The following ZNF675 variants were observed in gnomAD, a reference collection of about 807,000 sequenced individuals.
The protein encoded by ZNF675 is TRAF6 inhibitory zinc finger.
ZNF675 carries 36 observed loss-of-function variants against 56.1 expected under a neutral mutation model. That is an observed-to-expected ratio of 0.64 (90% CI 0.49 to 0.85). The LOEUF is 0.85. Ranked by LOEUF, ZNF675 falls within the 40% of genes least tolerant of loss-of-function variation. ZNF675 has a pLI of 0.00. For synonymous variants in ZNF675, 200 were observed against 218.9 expected (o/e 0.91, Z 0.76); for missense variants, 663 against 654.2 (o/e 1.01, Z -0.15).
intron 3 of ZNF675, chr19:23,661,881 T>C: frequency 2.5e-6 from 1 of 406,776 alleles, no homozygotes; most frequent in Non-Finnish European, 4.5e-6. Context: ...GGACACTGGT[T>C]CTCACCGAAA....
chr19:23,674,088 A>AG (rs1314532416), intron 1 of ZNF675, among the ~76,000 whole-genome samples: 1 of 151,504 alleles, frequency 6.6e-6, no homozygotes, highest in African/African-American at 2.4e-5. Context: ...CTGTAATTCC[A>AG]CCTACTCAGG....
At chr19:23,663,230 TGA>T (rs749541196) in intron 1 of ZNF675, 72 bp from the exon 2 acceptor site, 11 of 1,542,952 alleles carry the variant, frequency 7.1e-6, no homozygotes, top group Non-Finnish European at 9.6e-6. Context: ...CAAGGTAAAA[TGA>T]GAGACTAAAG....
At chr19:23,655,179 G>A (rs1350035460) in intron 3 of ZNF675, 1 of 151,722 alleles carries the variant, frequency 6.6e-6, no homozygotes, top group Non-Finnish European at 1.5e-5. Context: ...TAAGGTTGCA[G>A]TGGGCCAAGA....
intron 3 of ZNF675, chr19:23,655,027 A>T: frequency 5.6e-6 from 1 of 178,554 alleles, no homozygotes; most frequent in Non-Finnish European, 1.2e-5. Flanking sequence ...CGAGGTCAGG[A>T]GTTCAAGACC....
chr19:23,684,919 A>G (rs960923769), intron 1 of ZNF675, among the ~76,000 whole-genome samples: 1 of 152,188 alleles, frequency 6.6e-6, no homozygotes, highest in African/African-American at 2.4e-5. Flanking sequence ...TTTTCCCTCA[A>G]TACCAGCATC....
chr19:23,659,075 T>C (rs9676921), intron 3 of ZNF675, among the ~76,000 whole-genome samples: 146,553 of 150,860 alleles, frequency 0.97, 71,348 homozygotes, highest in Middle Eastern at 1. Flanking sequence ...ATAAAACAAA[T>C]ATCTGCGAAT....
intron 1 of ZNF675, among the ~76,000 whole-genome samples, chr19:23,671,471 G>A (rs371310190): frequency 6.6e-6 from 1 of 152,114 alleles, no homozygotes; most frequent in Non-Finnish European, 1.5e-5. Context: ...TGCAAGAAAA[G>A]TGGGCATTGG....
rs1161109717 is a variant in ZNF675, at chr19:23,662,192, G to C, written c.148C>G (p.Gln50Glu). 6.2e-7 allele frequency: 1 copy of C among 1,611,122 alleles called. No individual in the cohort carries two copies. The highest frequency in any genetic ancestry group is 2.2e-5 in the East Asian group (1 of 44,826). Residue 50 changes from glutamine to glutamate, a missense_variant, in exon 3 of 4, where the codon CAA becomes GAA. By Grantham distance (29) the Gln-to-Glu change is conservative. Around this residue, in one of 3 missense-constraint regions of ZNF675, gnomAD observed 13 missense variants for 31.8 expected, o/e 0.41. Coordinates refer to ENST00000359788, the MANE Select transcript of ZNF675 (RefSeq NM_138330.3). ...LVFLGIAVSK[Q>E]DLITCLEQEK... ...TGCTCCAGACAGGTGATCAGGTCTT[G>C]CTTAGAGACAGCAATACCTGTTTTA...
chr19:23,685,711 A>G (rs1427986024), intron 1 of ZNF675, among the ~76,000 whole-genome samples: 1 of 152,246 alleles, frequency 6.6e-6, no homozygotes, highest in African/African-American at 2.4e-5. Context: ...TAGTTAAAAT[A>G]CAGTATCTAA....
At chr19:23,664,032 A>T (rs994838939) in intron 1 of ZNF675, among the ~76,000 whole-genome samples, 1 of 152,194 alleles carries the variant, frequency 6.6e-6, no homozygotes, top group African/African-American at 2.4e-5. Flanking sequence ...TATGGAAAAG[A>T]AGTATTTTTC....
In ZNF675 at chr19:23,654,586, C is replaced by G; in HGVS notation, c.347G>C (p.Cys116Ser). 1 of 1,611,958 alleles carries G rather than the reference C, an allele frequency of 6.2e-7. No homozygotes were observed. Among genetic ancestry groups the G allele is most frequent in the East Asian group, 2.2e-5 (1 of 44,830 alleles). ...CGNDNFQLKG[C>S]KSVDECKLHK... ...CAACTTACATTCATCCACACTTTTACAGCCTTTTAACTGAAAATTATCATT... is the reference window on the plus strand; with the variant it reads ...CAACTTACATTCATCCACACTTTTAGAGCCTTTTAACTGAAAATTATCATT... Residue 116 changes from cysteine to serine, a missense_variant, in exon 4 of 4, where the codon TGT (cysteine) becomes TCT (serine). Cys to Ser is a moderately radical substitution (Grantham distance 112, BLOSUM62 -1). Around this residue, in one of 3 missense-constraint regions of ZNF675, gnomAD observed 617 missense variants for 590.5 expected, o/e 1.04. Coordinates refer to ENST00000359788, the MANE Select transcript of ZNF675 (RefSeq NM_138330.3).
At chr19:23,670,996 T>C (rs1454048683) in intron 1 of ZNF675, among the ~76,000 whole-genome samples, 1 of 152,120 alleles carries the variant, frequency 6.6e-6, no homozygotes, top group African/African-American at 2.4e-5. Context: ...ACAACCAGGC[T>C]AAATTTCTTG....
chr19:23,681,111 C>T (rs1461929746), intron 1 of ZNF675, among the ~76,000 whole-genome samples: 1 of 151,700 alleles, frequency 6.6e-6, no homozygotes, highest in Non-Finnish European at 1.5e-5. Flanking sequence ...TATTTTTGTG[C>T]CCATGAAGGC....
chr19:23,655,606 C>G (rs1385904564), intron 3 of ZNF675: 1 of 152,038 alleles, frequency 6.6e-6, no homozygotes, highest in African/African-American at 2.4e-5. Context: ...GCACCTCCCA[C>G]TAGGTCCCAT....
chr19:23,653,432 TTC>T lies in ZNF675; in HGVS notation c.1499_1500del (p.Arg500AsnfsTer11). ...KHSSSLTTHK[R>X]IHTGEKPYKC... is the part of the protein sequence containing the mutation. ...TTGTAGGGTTTCTCCCCAGTATGAA[TTC>T]TTTTATGTGTAGTAAGGGATGAGGA... On this transcript the variant is annotated frameshift_variant, in exon 4 of 4. Transcript: ENST00000359788. LOFTEE classifies it high-confidence loss of function. 1.2e-6 allele frequency: 2 copies of T among 1,612,700 alleles called. No homozygotes were observed. The highest frequency in any genetic ancestry group is 1.7e-6 in the Non-Finnish European group (2 of 1,179,628).
chr19:23,676,049 C>A (rs1968290605), intron 1 of ZNF675, among the ~76,000 whole-genome samples: 1 of 145,946 alleles, frequency 6.9e-6, no homozygotes, highest in African/African-American at 2.5e-5. Flanking sequence ...AAAATACAAA[C>A]AAGGATGAAA....
At position 23,652,951 on chromosome 19, in the gene ZNF675, G is replaced by T; in HGVS notation, c.*275C>A. The T allele has an allele frequency of 3.8e-6, 1 of 263,708 alleles. No homozygotes were observed. 16.3% of individuals were successfully genotyped at this position (263,708 alleles called of 1,614,324 possible). On this transcript the variant is annotated 3_prime_UTR_variant, in exon 4 of 4. Transcript: ENST00000359788. ...TTAAGTACCAACATTCTGATATTAA[G>T]ATGTCAACAGATATTAATGGCTATT...
intron 1 of ZNF675, among the ~76,000 whole-genome samples, chr19:23,669,110 C>T (rs1003772873): frequency 2.6e-5 from 4 of 152,148 alleles, no homozygotes; most frequent in Admixed American, 6.5e-5. Context: ...TCCTTTTCTC[C>T]TTTTTCAGTC....
chr19:23,653,263 ATTTT>A lies in ZNF675; in HGVS notation c.1666_1669del (p.Lys556TyrfsTer35), dbSNP rs1247643730. On this transcript the variant is annotated frameshift_variant, in exon 4 of 4. Coordinates refer to ENST00000359788, the MANE Select transcript of ZNF675 (RefSeq NM_138330.3). LOFTEE classifies it high-confidence loss of function. ...GTTCTGTAGTTTCTCTCCAGTATGTATTTTTTTATGTTTAGTAAGGTTTGCAGAT... is the reference window on the plus strand; with the variant it reads ...GTTCTGTAGTTTCTCTCCAGTATGTATTTATGTTTAGTAAGGTTTGCAGAT... 1 of 1,610,096 alleles carries A rather than the reference ATTTT, an allele frequency of 6.2e-7. No individual in the cohort carries two copies. The highest frequency in any genetic ancestry group is 8.5e-7 in the Non-Finnish European group (1 of 1,178,356).
Sources: gnomAD v4.1 joint callset for allele counts (sites outside exome capture counted in the v4.1 genomes callset) on GRCh38, gnomAD v4.1.1 for gene constraint, gnomAD v4.1.1 regional missense constraint, MANE v1.5 for transcripts, NCBI Gene and HGNC (gene_info 2026-07-23, HGNC 2026-07-21) for gene names.